The following GRID2 variants were observed in gnomAD, a reference collection of about 807,000 sequenced individuals.
The protein encoded by GRID2 is glutamate ionotropic receptor delta type subunit 2.
A neutral mutation model predicts 114.8 loss-of-function variants in GRID2; 33 were observed. That is an observed-to-expected ratio of 0.29 (90% confidence interval 0.22 to 0.38). The LOEUF (loss-of-function observed/expected upper bound fraction) is 0.38, where lower values mean the gene tolerates loss of function less well. Among genes scored for constraint, GRID2 ranks in the 10% least tolerant of loss-of-function variants. GRID2 has a pLI of 1.00. For synonymous variants in GRID2, 505 were observed against 449.9 expected, an observed-to-expected ratio of 1.12 and a Z score of -1.55; for missense variants, 1,184 against 1,257.7, an observed-to-expected ratio of 0.94 and a Z score of 0.89.
intron 13 of GRID2, among the ~76,000 whole-genome samples, chr4:93,559,625 TTGG>T (rs1342054615): frequency 3.9e-5 from 6 of 152,188 alleles, no homozygotes; most frequent in Admixed American, 2.6e-4. Flanking sequence ...TTTTACACTG[TTGG>T]TGGGAGTGTA....
chr4:92,694,733 CA>C (rs1259019671), intron 2 of GRID2, among the ~76,000 whole-genome samples: 1 of 152,048 alleles, frequency 6.6e-6, no homozygotes, highest in Non-Finnish European at 1.5e-5. Context: ...AAATAGTTAC[CA>C]AAATATGTGA....
chr4:93,237,503 T>A, intron 7 of GRID2, among the ~76,000 whole-genome samples: 1 of 151,930 alleles, frequency 6.6e-6, no homozygotes, highest in East Asian at 1.9e-4. Flanking sequence ...TTAGAGGTGA[T>A]AATTAAAACA....
At position 92,491,528 on chromosome 4, in the gene GRID2, T is replaced by C. The variant is rs185238575; in HGVS notation, c.89-98603T>C. On this transcript the variant is annotated intron_variant, in intron 1 of 15. Transcript: ENST00000282020. ...ATCTAGCTCAAAAACATTGGTGTTT[T>C]ACTACATTCTCTTTCCCTTGCCATT... 4.6e-5 allele frequency among the ~76,000 whole-genome samples: 7 copies of C among 152,300 alleles called. No individual in the cohort carries two copies. In the East Asian group the frequency reaches 7.7e-4, roughly 17 times the overall value.
At chr4:92,679,111 T>C (rs1733523739) in intron 2 of GRID2, among the ~76,000 whole-genome samples, 1 of 152,060 alleles carries the variant, frequency 6.6e-6, no homozygotes, top group Non-Finnish European at 1.5e-5. Flanking sequence ...TTCAGAACTC[T>C]TCTCTGTTAA....
At chr4:92,724,072 A>G (rs1018686319) in intron 2 of GRID2, among the ~76,000 whole-genome samples, 21 of 152,288 alleles carry the variant, frequency 1.4e-4, no homozygotes, top group African/African-American at 4.8e-4. Flanking sequence ...GGGTTTATCA[A>G]TTAAAATTAA....
intron 13 of GRID2, among the ~76,000 whole-genome samples, chr4:93,571,924 A>G (rs1326865570): frequency 6.6e-6 from 1 of 152,108 alleles, no homozygotes; most frequent in Non-Finnish European, 1.5e-5. Flanking sequence ...AAATGGAAAA[A>G]AGGATAGTGG....
intron 14 of GRID2, among the ~76,000 whole-genome samples, chr4:93,749,776 TG>T (rs1303167034): frequency 6.6e-6 from 1 of 152,232 alleles, no homozygotes; most frequent in Non-Finnish European, 1.5e-5. Flanking sequence ...CAATGCTTTT[TG>T]CTCTCCATCT....
At chr4:93,548,372 A>T (rs1020770741) in intron 13 of GRID2, among the ~76,000 whole-genome samples, 2 of 152,180 alleles carry the variant, frequency 1.3e-5, no homozygotes, top group Non-Finnish European at 2.9e-5. Context: ...ATAGCACCGG[A>T]CAGGGAACCA....
intron 2 of GRID2, among the ~76,000 whole-genome samples, chr4:92,621,465 T>C (rs1424028697): frequency 6.6e-6 from 1 of 151,790 alleles, no homozygotes; most frequent in African/African-American, 2.4e-5. Flanking sequence ...TTTGGTGTGG[T>C]TATTTTAACT....
chr4:92,337,285 T>C (rs1294121462), intron 1 of GRID2, among the ~76,000 whole-genome samples: 2 of 152,178 alleles, frequency 1.3e-5, no homozygotes, highest in South Asian at 2.1e-4. Context: ...CCCCCTGTTA[T>C]TGGACTTTTA....
intron 2 of GRID2, among the ~76,000 whole-genome samples, chr4:92,676,241 C>A (rs1479298786): frequency 1.3e-4 from 2 of 15,848 alleles, no homozygotes; most frequent in African/African-American, 2.8e-4. Flanking sequence ...AGTGCAGTGG[C>A]GCTATCTCGG....
At chr4:92,762,398 T>C (rs1738060919) in intron 2 of GRID2, among the ~76,000 whole-genome samples, 1 of 151,944 alleles carries the variant, frequency 6.6e-6, no homozygotes, top group Non-Finnish European at 1.5e-5. Context: ...TTAAATGAAA[T>C]AGACTCTTTT....
intron 2 of GRID2, among the ~76,000 whole-genome samples, chr4:92,701,008 A>ACAAAAC (rs1734651579): frequency 3.3e-5 from 5 of 151,930 alleles, no homozygotes. Context: ...AAAAAAAAAA[A>ACAAAAC]AAGACACATA....
intron 5 of GRID2, among the ~76,000 whole-genome samples, chr4:93,215,911 T>A (rs1324087294): frequency 1.3e-5 from 2 of 152,080 alleles, no homozygotes; most frequent in African/African-American, 2.4e-5. Flanking sequence ...AGTATGTTAA[T>A]TACAAAGACT....
intron 2 of GRID2, among the ~76,000 whole-genome samples, chr4:92,621,781 G>T (rs1449327685): frequency 6.6e-6 from 1 of 151,734 alleles, no homozygotes; most frequent in East Asian, 1.9e-4. Flanking sequence ...TGAGTGGATG[G>T]AAAGGATTAA....
At chr4:92,338,727 A>G (rs1204965952) in intron 1 of GRID2, among the ~76,000 whole-genome samples, 2 of 152,160 alleles carry the variant, frequency 1.3e-5, no homozygotes, top group African/African-American at 4.8e-5. Context: ...TTTAAAGGAA[A>G]TGACATGCAA....
At chr4:93,593,889 T>A (rs533554115) in intron 13 of GRID2, among the ~76,000 whole-genome samples, 10 of 152,172 alleles carry the variant, frequency 6.6e-5, no homozygotes, top group Admixed American at 6.5e-4. Context: ...TTCTCGAGCC[T>A]TGGTTTTCAG....
At chr4:93,746,831 G>A (rs751888131) in intron 14 of GRID2, among the ~76,000 whole-genome samples, 1 of 152,006 alleles carries the variant, frequency 6.6e-6, no homozygotes, top group Non-Finnish European at 1.5e-5. Flanking sequence ...AATGTCTATT[G>A]TGAGTATTCT....
chr4:93,706,179 G>A (rs191462926), intron 14 of GRID2, among the ~76,000 whole-genome samples: 6 of 152,118 alleles, frequency 3.9e-5, no homozygotes, highest in Non-Finnish European at 8.8e-5. Flanking sequence ...TTGTGGTTCC[G>A]CATAAATTTT....
Sources: allele counts gnomAD v4.1 joint callset (sites outside exome capture counted in the v4.1 genomes callset), GRCh38; gene constraint gnomAD v4.1.1; transcripts MANE v1.5; gene names NCBI Gene and HGNC (gene_info 2026-07-23, HGNC 2026-07-21).